The following R3HDML variants were observed in gnomAD, a reference collection of about 807,000 sequenced individuals.
The protein encoded by R3HDML is peptidase inhibitor R3HDML.
Under a neutral mutation model 24.2 loss-of-function variants are expected in R3HDML, and 21 were observed. That is an observed-to-expected ratio of 0.87 (90% CI 0.62 to 1.25). R3HDML has a LOEUF of 1.25. Ranked by LOEUF, R3HDML falls within the 50% of genes most tolerant of loss-of-function variation. The probability of loss-of-function intolerance (pLI) is 0.00; values close to 1 mark genes in which losing one functional copy is unlikely to be tolerated. For synonymous variants in R3HDML, 133 were observed against 131.5 expected, an observed-to-expected ratio of 1.01 and a Z score of -0.08; for missense variants, 301 against 340.3, an observed-to-expected ratio of 0.88 and a Z score of 0.91.
At chr20:44,338,371 G>A (rs1026047754) in intron 1 of R3HDML, among the ~76,000 whole-genome samples, 1 of 152,206 alleles carries the variant, frequency 6.6e-6, no homozygotes, top group Non-Finnish European at 1.5e-5. Flanking sequence ...TCACGAAGGT[G>A]ACATTTTAGT....
chr20:44,340,311 G>A (rs1441760083), intron 1 of R3HDML, among the ~76,000 whole-genome samples: 8 of 152,032 alleles, frequency 5.3e-5, no homozygotes, highest in Admixed American at 2.6e-4. Context: ...GGATGGTCTC[G>A]AACTCCTGAC....
chr20:44,342,094 T>C (rs2062773842), intron 2 of R3HDML, among the ~76,000 whole-genome samples: 1 of 152,160 alleles, frequency 6.6e-6, no homozygotes, highest in Admixed American at 6.5e-5. Flanking sequence ...TAAAACAAAG[T>C]TGTTAGCCTA....
At chr20:44,342,858 G>A (rs559358170) in intron 2 of R3HDML, among the ~76,000 whole-genome samples, 239 of 152,238 alleles carry the variant, frequency 1.6e-3, no homozygotes, top group African/African-American at 5.3e-3. Context: ...GGAGGCTGAG[G>A]CACAAGAATT....
At chr20:44,345,963 G>C (rs1024511128) in intron 4 of R3HDML, among the ~76,000 whole-genome samples, 9 of 152,144 alleles carry the variant, frequency 5.9e-5, no homozygotes, top group African/African-American at 2.2e-4. Context: ...GGGATTACAG[G>C]CGTCTGCCAC....
At position 44,350,985 on chromosome 20, in the gene R3HDML, T is replaced by C. The variant is rs1056941831; in HGVS notation, c.*193T>C. Reference sequence around the variant, plus strand: ...AAGAAAATGACCTCCTTGCCTTCCTTCTTTCCTAGTTGCATCTTTCTTTTC... The same window carrying C: ...AAGAAAATGACCTCCTTGCCTTCCTCCTTTCCTAGTTGCATCTTTCTTTTC... On this transcript the variant is annotated 3_prime_UTR_variant, in exon 5 of 5. Coordinates refer to ENST00000217043, the MANE Select transcript of R3HDML (RefSeq NM_178491.4). 142 of 563,792 alleles carry C rather than the reference T, an allele frequency of 2.5e-4. 2 individuals carry two copies. Among genetic ancestry groups the C allele is most frequent in the Non-Finnish European group, 1.5e-5 (5 of 330,484 alleles). The allele number at this position is 563,792 out of a possible 1,614,324, so 34.9% of individuals were successfully genotyped here.
chr20:44,350,826 GCCTGAC>G lies in R3HDML; in HGVS notation c.*38_*43del. ...TGGGCTTTGGTGCGCCTCCAGCTGGGCCTGACCCTCCATGTCCTGCCCTCAAAAAAC... is the reference window on the plus strand; with the variant it reads ...TGGGCTTTGGTGCGCCTCCAGCTGGGCCTCCATGTCCTGCCCTCAAAAAAC... On this transcript the variant is annotated 3_prime_UTR_variant, in exon 5 of 5. Coordinates refer to ENST00000217043, the MANE Select transcript of R3HDML (RefSeq NM_178491.4). 6.2e-7 allele frequency: 1 copy of G among 1,612,086 alleles called. No individual in the cohort carries two copies. Among genetic ancestry groups the G allele is most frequent in the Non-Finnish European group, 8.5e-7 (1 of 1,179,168 alleles).
intron 2 of R3HDML, among the ~76,000 whole-genome samples, chr20:44,342,515 TCA>T (rs1227662567): frequency 1.3e-5 from 2 of 152,152 alleles, no homozygotes; most frequent in African/African-American, 4.8e-5. Flanking sequence ...TTTGAGAGGC[TCA>T]CAGAGAGAAA....
Position 44,337,126 on chromosome 20 carries a change from A to G in R3HDML, c.-32A>G. 6.3e-7 allele frequency: 1 copy of G among 1,594,066 alleles called. No homozygotes were observed. The highest frequency in any genetic ancestry group is 8.6e-7 in the Non-Finnish European group (1 of 1,167,502). ...CTTCCAGGCAGCCGGCTCTGATTGCACAAGGCAGACCTGTGACTCCTCCAT... is the reference window on the plus strand; with the variant it reads ...CTTCCAGGCAGCCGGCTCTGATTGCGCAAGGCAGACCTGTGACTCCTCCAT... On this transcript the variant is annotated 5_prime_UTR_variant, in exon 1 of 5. Coordinates refer to ENST00000217043, the MANE Select transcript of R3HDML (RefSeq NM_178491.4). This position sits in a 1 kb window ranked among gnomAD's most constrained non-coding sequence, Gnocchi z 4.7.
intron 4 of R3HDML, among the ~76,000 whole-genome samples, chr20:44,347,231 T>TG (rs35353509): frequency 2.9e-4 from 44 of 151,136 alleles, no homozygotes; most frequent in Admixed American, 6.6e-4. Context: ...CTTTTTTTTT[T>TG]GGGGGGGGAC....
In R3HDML at chr20:44,337,386, G is replaced by A. The variant is rs778553466; in HGVS notation, c.229G>A (p.Val77Met). ...LDYHNHIRAS[V>M]YPPAANMEYM... ...TTATCACAACCACATCCGGGCCAGT[G>A]TGTACCCACCTGCCGCCAACATGGA... Residue 77 changes from valine (V) to methionine (M), a missense_variant, in exon 1 of 5, where the codon GTG becomes ATG. Physicochemically the swap from Val to Met is conservative, Grantham distance 21. Coordinates refer to ENST00000217043, the MANE Select transcript of R3HDML (RefSeq NM_178491.4). This position sits in a 1 kb window ranked among gnomAD's most constrained non-coding sequence, Gnocchi z 4.7. 6 of 1,614,076 alleles carry A rather than the reference G, an allele frequency of 3.7e-6. No individual in the cohort carries two copies. The highest frequency in any genetic ancestry group is 1.7e-5 in the Admixed American group (1 of 60,018).
At position 44,341,711 on chromosome 20, in the gene R3HDML, C is replaced by A. The variant is rs1231346030; in HGVS notation, c.380+397C>A. On this transcript the variant is annotated intron_variant, in intron 2 of 4. Coordinates refer to ENST00000217043, the MANE Select transcript of R3HDML (RefSeq NM_178491.4). ...ACCAGTCTGGACAGCATGGTGAAAC[C>A]CCGTCTCTACCAAAAATACAAAAAT... 7.9e-5 allele frequency among the ~76,000 whole-genome samples: 12 copies of A among 152,152 alleles called. 1 individual carries two copies. In the South Asian group the frequency reaches 2.3e-3, roughly 29 times the overall value.
chr20:44,345,634 A>G (rs183386424), intron 4 of R3HDML, among the ~76,000 whole-genome samples: 205 of 151,492 alleles, frequency 1.4e-3, no homozygotes, highest in Non-Finnish European at 2.3e-3. Context: ...CAAGACCCCA[A>G]CTCTTAAAAA....
chr20:44,343,736 C>A (rs975937346), intron 3 of R3HDML, among the ~76,000 whole-genome samples: 4 of 152,008 alleles, frequency 2.6e-5, no homozygotes, highest in African/African-American at 9.7e-5. Context: ...CACTCTGTTG[C>A]CGAGGCTGGA....
Position 44,345,057 on chromosome 20 carries a change from T to C in R3HDML, c.514-206T>C, listed in dbSNP as rs139650743. 8.8e-5 allele frequency: 51 copies of C among 579,906 alleles called. No homozygotes were observed. In the African/African-American group the frequency reaches 9.0e-4, roughly 10 times the overall value. 35.9% of individuals were successfully genotyped at this position (579,906 alleles called of 1,614,324 possible). A position where few individuals can be genotyped will look rare whatever the true frequency, so the allele number is the denominator to read the frequency against. ...TGTACACCTGTAACAATATAAAAAT[T>C]ATTCCTTACTGTTGGTTGTAATAAA... On this transcript the variant is annotated intron_variant, in intron 3 of 4. Transcript: ENST00000217043.
At chr20:44,341,440 C>A in intron 2 of R3HDML, 126 bp downstream of exon 2, 1 of 704,934 alleles carries the variant, frequency 1.4e-6, no homozygotes, top group Non-Finnish European at 2.3e-6. Context: ...AGCTCTCCAC[C>A]TGCAGGGAGC....
chr20:44,340,283 G>A (rs985030515), intron 1 of R3HDML, among the ~76,000 whole-genome samples: 1 of 151,616 alleles, frequency 6.6e-6, no homozygotes, highest in Non-Finnish European at 1.5e-5. Flanking sequence ...TAGAGAGGGG[G>A]TTTCTCCATG....
At position 44,350,609 on chromosome 20, in the gene R3HDML, A is replaced by C. The variant is rs373675169; in HGVS notation, c.630-51A>C. On this transcript the variant is annotated intron_variant, in intron 4 of 4. Coordinates refer to ENST00000217043, the MANE Select transcript of R3HDML (RefSeq NM_178491.4). ...CGCTGAGATCTGGACATCTGTGTGA[A>C]GGTTACTCACCTAATGCTCCTCTGT... The C allele has an allele frequency of 1.1e-5, 18 of 1,576,744 alleles. No homozygotes were observed. In the African/African-American group the frequency reaches 2.3e-4, roughly 20 times the overall value.
intron 1 of R3HDML, among the ~76,000 whole-genome samples, chr20:44,339,328 T>A (rs74742802): frequency 3.9e-4 from 59 of 152,306 alleles, no homozygotes; most frequent in Non-Finnish European, 5.7e-4. Context: ...CCTCAGTGCC[T>A]AGAGATGTTG....
intron 1 of R3HDML, among the ~76,000 whole-genome samples, chr20:44,339,639 G>T (rs1289364951): frequency 6.6e-6 from 1 of 151,286 alleles, no homozygotes; most frequent in South Asian, 2.1e-4. Context: ...AGAGCTGCTT[G>T]TACAGGTATA....
Sources: gnomAD v4.1 joint callset for allele counts (sites outside exome capture counted in the v4.1 genomes callset) on GRCh38, gnomAD v4.1.1 for gene constraint, Gnocchi (gnomAD v3.1) non-coding constraint, MANE v1.5 for transcripts, NCBI Gene and HGNC (gene_info 2026-07-23, HGNC 2026-07-21) for gene names.